The following CDH2 variants were observed in gnomAD, a reference collection of about 807,000 sequenced individuals.
CDH2 encodes cadherin 2.
Under a neutral mutation model 92.0 loss-of-function variants are expected in CDH2, and 17 were observed. That is an observed-to-expected ratio of 0.18 (90% CI 0.13 to 0.28). The LOEUF (loss-of-function observed/expected upper bound fraction) is 0.28. CDH2 is among the 10% of genes least tolerant of loss of function. The pLI is 1.00. For missense variants in CDH2, 862 were observed against 1,133.1 expected, an observed-to-expected ratio of 0.76 and a Z score of 3.44; for synonymous variants, 419 against 415.9, an observed-to-expected ratio of 1.01 and a Z score of -0.09.
intron 5 of CDH2, among the ~76,000 whole-genome samples, chr18:28,006,923 G>A (rs924738427): frequency 9.9e-5 from 15 of 151,210 alleles, no homozygotes; most frequent in African/African-American, 3.6e-4. Context: ...TGTAATCTCA[G>A]AACTTTGGGA....
At chr18:28,083,210 G>T (rs1434754887) in intron 2 of CDH2, among the ~76,000 whole-genome samples, 1 of 152,096 alleles carries the variant, frequency 6.6e-6, no homozygotes, top group Non-Finnish European at 1.5e-5. Context: ...ACCAGACCAA[G>T]ATTGCAGTAG....
chr18:28,173,088 TTA>T (rs546713666), intron 1 of CDH2, among the ~76,000 whole-genome samples: 170 of 152,232 alleles, frequency 1.1e-3, no homozygotes, highest in African/African-American at 3.8e-3. Context: ...CAGAAAGATT[TTA>T]GTCTCTACAT....
intron 2 of CDH2, among the ~76,000 whole-genome samples, chr18:28,104,370 G>T (rs1313153371): frequency 7.2e-5 from 11 of 152,070 alleles, no homozygotes. Flanking sequence ...GGAGATTGTT[G>T]TAACTGTTGA....
At chr18:28,098,622 A>T (rs924007118) in intron 2 of CDH2, among the ~76,000 whole-genome samples, 1 of 152,146 alleles carries the variant, frequency 6.6e-6, no homozygotes, top group Non-Finnish European at 1.5e-5. Flanking sequence ...TCCTGTGCTT[A>T]GGAACACTAG....
In CDH2 at chr18:28,084,815, C is replaced by T. The variant is rs1371169977; in HGVS notation, c.172+62858G>A. On this transcript the variant is annotated intron_variant, in intron 2 of 15. Coordinates refer to ENST00000269141, the MANE Select transcript of CDH2 (RefSeq NM_001792.5). ...ATTGTGCTGTGCTTCTCCTCCAATC[C>T]ATGACTTAAATCCTAATCTGGTAAC... Among the ~76,000 whole-genome samples the T allele has an allele frequency of 2.6e-5, 4 of 152,116 alleles. No homozygotes were observed. In the East Asian group the frequency reaches 7.7e-4, roughly 29 times the overall value.
intron 14 of CDH2, among the ~76,000 whole-genome samples, chr18:27,971,469 T>C (rs1452363894): frequency 6.6e-6 from 1 of 152,160 alleles, no homozygotes; most frequent in Non-Finnish European, 1.5e-5. Context: ...TTATCTAAAA[T>C]ACTGTGTCAC....
chr18:28,120,983 A>G (rs1375360738), intron 2 of CDH2, among the ~76,000 whole-genome samples: 1 of 152,124 alleles, frequency 6.6e-6, no homozygotes, highest in Non-Finnish European at 1.5e-5. Flanking sequence ...GTAAAAGCTG[A>G]TATTTGATAG....
intron 2 of CDH2, among the ~76,000 whole-genome samples, chr18:28,112,055 C>A (rs1221412667): frequency 6.6e-6 from 1 of 152,054 alleles, no homozygotes; most frequent in Admixed American, 6.5e-5. Context: ...GACAATGAGC[C>A]CGACAGACAA....
At chr18:27,955,778 TTTA>T (rs1414054171) in intron 15 of CDH2, among the ~76,000 whole-genome samples, 2 of 140,062 alleles carry the variant, frequency 1.4e-5, no homozygotes, top group African/African-American at 2.6e-5. Flanking sequence ...TTTTTTTTTT[TTTA>T]AAGAGGTTAA....
At chr18:28,104,036 T>C (rs2015281017) in intron 2 of CDH2, among the ~76,000 whole-genome samples, 1 of 152,148 alleles carries the variant, frequency 6.6e-6, no homozygotes, top group African/African-American at 2.4e-5. Flanking sequence ...GCCAGTGGCA[T>C]TGAGCTCTTG....
chr18:28,106,690 A>G (rs1416247003), intron 2 of CDH2, among the ~76,000 whole-genome samples: 2 of 152,208 alleles, frequency 1.3e-5, no homozygotes, highest in Non-Finnish European at 2.9e-5. Flanking sequence ...TGTCTTAACT[A>G]TTCTTTAAAA....
At chr18:28,166,164 ATATATATATGTCTG>A (rs1223247869) in intron 1 of CDH2, among the ~76,000 whole-genome samples, 2 of 138,534 alleles carry the variant, frequency 1.4e-5, no homozygotes, top group South Asian at 4.6e-4. Context: ...ATATATATAT[ATATATATATGTCTG>A]TATTTTAATT....
Position 28,145,003 on chromosome 18 carries a change from C to T in CDH2, c.172+2670G>A, listed in dbSNP as rs189553307. ...ATGCTTCTTCTATATAATTTTCTAA[C>T]GTGACAAATACCAACTTATGTCTCT... On this transcript the variant is annotated intron_variant, in intron 2 of 15. Coordinates refer to ENST00000269141, the MANE Select transcript of CDH2 (RefSeq NM_001792.5). Among the ~76,000 whole-genome samples, 14 of 152,180 alleles carry T rather than the reference C, an allele frequency of 9.2e-5. No individual in the cohort carries two copies. The East Asian group carries it at 1.5e-3, about 17-fold the overall frequency.
chr18:28,147,025 T>C (rs1209121303), intron 2 of CDH2, among the ~76,000 whole-genome samples: 3 of 152,168 alleles, frequency 2.0e-5, no homozygotes, highest in African/African-American at 7.2e-5. Flanking sequence ...TTTCAGATTT[T>C]ATCTAGACTT....
chr18:27,985,808 A>G, intron 11 of CDH2, 47 bp from the exon 12 acceptor site: 3 of 1,074,448 alleles, frequency 2.8e-6, no homozygotes, highest in Non-Finnish European at 4.2e-6. Flanking sequence ...GTTCTCTCCA[A>G]TGAGCCTCAA....
At chr18:28,030,496 A>C (rs1322310568) in intron 2 of CDH2, among the ~76,000 whole-genome samples, 1 of 152,080 alleles carries the variant, frequency 6.6e-6, no homozygotes, top group Non-Finnish European at 1.5e-5. Context: ...AGTAAAAACA[A>C]ACAAACAACA....
chr18:28,020,190 C>T (rs1293807513), intron 2 of CDH2, among the ~76,000 whole-genome samples: 1 of 151,942 alleles, frequency 6.6e-6, no homozygotes, highest in Non-Finnish European at 1.5e-5. Context: ...GCTCTAGGAA[C>T]AAACACTAAA....
intron 2 of CDH2, among the ~76,000 whole-genome samples, chr18:28,016,358 T>G (rs1446818349): frequency 1.3e-5 from 2 of 152,138 alleles, no homozygotes; most frequent in Non-Finnish European, 2.9e-5. Context: ...ACTAATATCT[T>G]ACAACTTTTT....
intron 2 of CDH2, among the ~76,000 whole-genome samples, chr18:28,047,481 G>A (rs1290064159): frequency 1.3e-5 from 2 of 152,088 alleles, no homozygotes; most frequent in Non-Finnish European, 2.9e-5. Context: ...ACTTCAGTAG[G>A]TATCAGAACA....
Sources: allele counts gnomAD v4.1 joint callset (sites outside exome capture counted in the v4.1 genomes callset), GRCh38; gene constraint gnomAD v4.1.1; transcripts MANE v1.5; gene names NCBI Gene and HGNC (gene_info 2026-07-23, HGNC 2026-07-21).